The following FUBP3 variants were observed in gnomAD, a reference collection of about 807,000 sequenced individuals.
FUBP3 encodes the protein far upstream element binding protein 3.
A neutral mutation model predicts 85.6 loss-of-function variants in FUBP3; 28 were observed. That is an observed-to-expected ratio of 0.33 (90% CI 0.24 to 0.45). The LOEUF is 0.45. FUBP3 is among the 20% of genes least tolerant of loss of function. FUBP3 has a pLI of 1.00. For synonymous variants in FUBP3, 271 were observed against 271.4 expected, an observed-to-expected ratio of 1.00 and a Z score of 0.01; for missense variants, 583 against 755.1, an observed-to-expected ratio of 0.77 and a Z score of 2.67.
Position 130,626,406 on chromosome 9 carries a change from GGTC to G in FUBP3, c.1021_1023del (p.Arg341del). The G allele has an allele frequency of 6.2e-7, 1 of 1,613,994 alleles. No homozygotes were observed. Among genetic ancestry groups the G allele is most frequent in the Non-Finnish European group, 8.5e-7 (1 of 1,179,940 alleles). On this transcript the variant is annotated inframe_deletion, in exon 12 of 19. Transcript: ENST00000319725. ...AGGCCTGGCAGCAGCCAGAGGAAGA[GGTC>G]GTGGCCGTGGCGACTGGAGCGTGGG...
At chr9:130,610,191 C>T (rs542973839) in intron 3 of FUBP3, among the ~76,000 whole-genome samples, 3 of 152,258 alleles carry the variant, frequency 2.0e-5, no homozygotes, top group Admixed American at 1.3e-4. Context: ...TAAAAATCAG[C>T]CATTATTGCA....
intron 12 of FUBP3, among the ~76,000 whole-genome samples, chr9:130,630,332 C>G (rs1201994763): frequency 6.6e-6 from 1 of 152,214 alleles, no homozygotes; most frequent in Non-Finnish European, 1.5e-5. Context: ...TCAGCCCAGA[C>G]CTGGTCTCTG....
At chr9:130,622,488 C>T (rs1319844562) in intron 9 of FUBP3, among the ~76,000 whole-genome samples, 2 of 151,916 alleles carry the variant, frequency 1.3e-5, no homozygotes, top group East Asian at 1.9e-4. Context: ...AAAAATTCGC[C>T]GAGCATAGTT....
chr9:130,597,877 G>C (rs1051355356), intron 2 of FUBP3, among the ~76,000 whole-genome samples: 1 of 152,206 alleles, frequency 6.6e-6, no homozygotes, highest in African/African-American at 2.4e-5. Flanking sequence ...CTAAGACCGG[G>C]TGTTCAGGGA....
rs200301425 is a variant in FUBP3 at position 130,606,895 on chromosome 9, G to GA, written c.191-3049dup. Among the ~76,000 whole-genome samples, 145 of 127,320 alleles carry GA rather than the reference G, an allele frequency of 1.1e-3. 3 individuals are homozygous for GA. Among genetic ancestry groups the GA allele is most frequent in the Admixed American group, 9.4e-3 (124 of 13,158 alleles). The allele number at this position is 127,320 out of a possible 152,430, so 83.5% of individuals were successfully genotyped here. On this transcript the variant is annotated intron_variant, in intron 2 of 18. Coordinates refer to ENST00000319725, the MANE Select transcript of FUBP3 (RefSeq NM_003934.2). ...GTGCAGTTTTGTTTCTTTTGGAGGA[G>GA]AAAAAAAAAATGAAATCTTTTTTTC...
chr9:130,624,647 G>A (rs1564218812), intron 11 of FUBP3, among the ~76,000 whole-genome samples: 4 of 144,074 alleles, frequency 2.8e-5, no homozygotes, highest in Non-Finnish European at 6.1e-5. Flanking sequence ...GTGTGTGTGT[G>A]TGTGTTTTTA....
chr9:130,626,547 G>A lies in FUBP3; in HGVS notation c.1117+42G>A, dbSNP rs1315023590. ...GTTTCACATCCCCCCTCAGCTGTTTGGCTTGAGGGAAGGCAGGTCACGGGA... is the reference window on the plus strand; with the variant it reads ...GTTTCACATCCCCCCTCAGCTGTTTAGCTTGAGGGAAGGCAGGTCACGGGA... On this transcript the variant is annotated intron_variant, in intron 12 of 18. Coordinates refer to ENST00000319725, the MANE Select transcript of FUBP3 (RefSeq NM_003934.2). The A allele has an allele frequency of 3.1e-6, 5 of 1,599,668 alleles. No homozygotes were observed. The East Asian group carries it at 1.1e-4, about 36-fold the overall frequency.
At position 130,616,215 on chromosome 9, in the gene FUBP3, G is replaced by C; in HGVS notation, c.405-140G>C. The C allele has an allele frequency of 1.4e-6, 1 of 724,458 alleles. No homozygotes were observed. Among genetic ancestry groups the C allele is most frequent in the Middle Eastern group, 4.0e-4 (1 of 2,524 alleles). The allele number at this position is 724,458 out of a possible 1,614,324, so 44.9% of individuals were successfully genotyped here. On this transcript the variant is annotated intron_variant, in intron 6 of 18. Transcript: ENST00000319725. The surrounding 1 kb of genome is among the most constrained non-coding windows in gnomAD (Gnocchi z 4.7). The stretch of plus-strand genomic sequence containing the variant: ...TGGCGGATGGCAGAGAGACCTCCGG[G>C]TTGTGGGGGCAGGAGCTGGAGCTGG...
intron 2 of FUBP3, among the ~76,000 whole-genome samples, chr9:130,606,910 A>C: frequency 6.6e-6 from 1 of 151,972 alleles, no homozygotes; most frequent in African/African-American, 2.4e-5. Context: ...AAAAAATGAA[A>C]TCTTTTTTTC....
chr9:130,594,665 G>A (rs1026852106), intron 1 of FUBP3, among the ~76,000 whole-genome samples: 14 of 151,932 alleles, frequency 9.2e-5, no homozygotes, highest in Admixed American at 5.2e-4. Flanking sequence ...AGGCTGAGGC[G>A]GGAGGATGAC....
chr9:130,589,701 A>T (rs1359325733), intron 1 of FUBP3, among the ~76,000 whole-genome samples: 579 of 27,676 alleles, frequency 0.021, 16 homozygotes, highest in African/African-American at 0.08. Context: ...ATATATATAT[A>T]TATATTTTTT....
rs760166472 is a variant in FUBP3 at position 130,616,395 on chromosome 9, C to T, written c.445C>T (p.Arg149Ter). Residue 149 changes from arginine (R) to a stop codon, truncating the protein, a stop_gained, in exon 7 of 19, where the codon CGA (arginine) becomes TGA (stop). Transcript: ENST00000319725. LOFTEE classifies it high-confidence loss of function. This position sits in a 1 kb window ranked among gnomAD's most constrained non-coding sequence, Gnocchi z 4.7. ...CCTGGGACAGATTGTGGACCGCTGT[C>T]GAAATGGACCTGGCTTTCATAATGA... ...RLLGQIVDRC[R>*]NGPGFHNDID... The T allele has an allele frequency of 6.2e-7, 1 of 1,614,082 alleles. No individual in the cohort carries two copies. The highest frequency in any genetic ancestry group is 2.2e-5 in the East Asian group (1 of 44,876).
intron 16 of FUBP3, 102 bp downstream of exon 16, chr9:130,632,380 G>A (rs1448448938): frequency 7.0e-6 from 6 of 851,390 alleles, no homozygotes; most frequent in Non-Finnish European, 1.1e-5. Context: ...AGCAGGCCCA[G>A]GATGCCCCTC....
In FUBP3 at chr9:130,630,816, G is replaced by A. The variant is rs955222088; in HGVS notation, c.1278+28G>A. 2.8e-6 allele frequency: 4 copies of A among 1,431,240 alleles called. No individual in the cohort carries two copies. The African/African-American group carries it at 4.5e-5, about 16-fold the overall frequency. 88.7% of individuals were successfully genotyped at this position (1,431,240 alleles called of 1,614,324 possible). A position where few individuals can be genotyped will look rare whatever the true frequency, so the allele number is the denominator to read the frequency against. On this transcript the variant is annotated intron_variant, in intron 13 of 18. Transcript: ENST00000319725. ...ACGTACAGGGTCCTTCCCCCACCTGGTTTACTCATAGCTGTTTTCTTGTGG... is the reference window on the plus strand; with the variant it reads ...ACGTACAGGGTCCTTCCCCCACCTGATTTACTCATAGCTGTTTTCTTGTGG...
chr9:130,599,251 C>T (rs1407276174), intron 2 of FUBP3, among the ~76,000 whole-genome samples: 1 of 152,062 alleles, frequency 6.6e-6, no homozygotes, highest in Non-Finnish European at 1.5e-5. Context: ...AAGATCGCAC[C>T]ACTGCACTCC....
chr9:130,599,109 G>A (rs142178734), intron 2 of FUBP3, among the ~76,000 whole-genome samples: 45 of 152,260 alleles, frequency 3.0e-4, no homozygotes, highest in African/African-American at 1.1e-3. Context: ...TGGCTGACAC[G>A]GTGAAACCCC....
intron 12 of FUBP3, among the ~76,000 whole-genome samples, chr9:130,630,216 C>T (rs115405562): frequency 0.012 from 1,863 of 152,346 alleles, 36 homozygotes; most frequent in African/African-American, 0.043. Flanking sequence ...TGGAGGCGCC[C>T]TTGGCTCACC....
At chr9:130,624,562 T>A (rs1295426956) in intron 11 of FUBP3, among the ~76,000 whole-genome samples, 1 of 152,046 alleles carries the variant, frequency 6.6e-6, no homozygotes, top group Non-Finnish European at 1.5e-5. Context: ...CAGCATTGAA[T>A]GCAGCCCAAC....
Position 130,622,764 on chromosome 9 carries a change from C to CA in FUBP3, c.833dup (p.Ile279AspfsTer4), listed in dbSNP as rs1231538662. ...TAATAGGAAGAAACGGGGAAATGAT[C>CA]AAAAAGATCCAGAATGATGCTGGTG... On this transcript the variant is annotated frameshift_variant, in exon 10 of 19. Coordinates refer to ENST00000319725, the MANE Select transcript of FUBP3 (RefSeq NM_003934.2). LOFTEE classifies it high-confidence loss of function. The CA allele has an allele frequency of 6.3e-7, 1 of 1,595,916 alleles. No individual in the cohort carries two copies. Among genetic ancestry groups the CA allele is most frequent in the Non-Finnish European group, 8.6e-7 (1 of 1,168,440 alleles).
Sources: gnomAD v4.1 joint callset for allele counts (sites outside exome capture counted in the v4.1 genomes callset) on GRCh38, gnomAD v4.1.1 for gene constraint, Gnocchi (gnomAD v3.1) non-coding constraint, MANE v1.5 for transcripts, NCBI Gene and HGNC (gene_info 2026-07-23, HGNC 2026-07-21) for gene names.